Variants in GPHN observed in about 807,000 individuals in gnomAD.
The protein encoded by GPHN is gephyrin.
A neutral mutation model predicts 95.5 loss-of-function variants in GPHN; 17 were observed. That is an observed-to-expected ratio of 0.18 (90% CI 0.12 to 0.27). GPHN has a LOEUF of 0.27. GPHN is among the 10% of genes least tolerant of loss of function. The probability of loss-of-function intolerance (pLI) is 1.00; values close to 1 mark genes in which losing one functional copy is unlikely to be tolerated. For missense variants in GPHN, 660 were observed against 978.1 expected (o/e 0.67, Z 4.34); for synonymous variants, 320 against 322.5 (o/e 0.99, Z 0.08).
chr14:66,942,874 G>A (rs1360411750), intron 8 of GPHN, among the ~76,000 whole-genome samples: 1 of 152,026 alleles, frequency 6.6e-6, no homozygotes, highest in Non-Finnish European at 1.5e-5. Flanking sequence ...ATATATTAGA[G>A]GTTTAAAACA....
rs1227422822 is a variant in GPHN at position 67,181,412 on chromosome 14, G to A, written c.*475G>A. The A allele has an allele frequency of 4.0e-6, 2 of 499,186 alleles. No homozygotes were observed. The highest frequency in any genetic ancestry group is 7.7e-6 in the Non-Finnish European group (2 of 260,810). 30.9% of individuals were successfully genotyped at this position (499,186 alleles called of 1,614,324 possible). On this transcript the variant is annotated 3_prime_UTR_variant, in exon 23 of 23. Coordinates refer to ENST00000478722, the MANE Select transcript of GPHN (RefSeq NM_020806.5). ...TCTTTCTCATGTATCTCGTGTTTAT[G>A]TGCACAGTGCCAAAAGAAGACTGAC...
rs77939703 is a variant in GPHN, at chr14:66,710,972, A to G, written c.143+29787A>G. 7.3e-3 allele frequency among the ~76,000 whole-genome samples: 1,117 copies of G among 152,312 alleles called. 6 individuals carry two copies. The highest frequency in any genetic ancestry group is 0.026 in the African/African-American group (1,067 of 41,556). Reference sequence around the variant, plus strand: ...TACATACTCTAAGAAAGGTCCACATATACCTTACTAGAATAGTTATCAAAC... The same window carrying G: ...TACATACTCTAAGAAAGGTCCACATGTACCTTACTAGAATAGTTATCAAAC... On this transcript the variant is annotated intron_variant, in intron 2 of 22. Transcript: ENST00000478722.
At chr14:67,497,943 T>A in the GPHN span, among the ~76,000 whole-genome samples, 13 of 152,154 alleles carry the variant, frequency 8.5e-5, no homozygotes, top group African/African-American at 3.1e-4. Flanking sequence ...GAATACATAA[T>A]GATGTATTGC....
chr14:66,813,950 A>G (rs866348286), intron 3 of GPHN, among the ~76,000 whole-genome samples: 6 of 152,082 alleles, frequency 3.9e-5, no homozygotes, highest in Non-Finnish European at 8.8e-5. Flanking sequence ...AGGCATCCCT[A>G]TGGCCACGCA....
the GPHN span, chr14:67,691,988 A>G: frequency 6.4e-6 from 1 of 156,286 alleles, no homozygotes; most frequent in African/African-American, 2.4e-5. Context: ...AAGAGATGGT[A>G]AACTTCTTTG....
the GPHN span, among the ~76,000 whole-genome samples, chr14:67,500,600 C>G: frequency 7.1e-6 from 1 of 140,696 alleles, no homozygotes; most frequent in South Asian, 2.2e-4. Flanking sequence ...GAGATGGAGT[C>G]TCGCTCTGTC....
chr14:67,728,542 T>C, the GPHN span, among the ~76,000 whole-genome samples: 1 of 152,232 alleles, frequency 6.6e-6, no homozygotes, highest in Admixed American at 6.5e-5. Flanking sequence ...ACTTAAACTT[T>C]CTGTGACTTA....
chr14:66,951,995 T>C (rs2068139043), intron 8 of GPHN, among the ~76,000 whole-genome samples: 2 of 152,224 alleles, frequency 1.3e-5, no homozygotes, highest in Non-Finnish European at 2.9e-5. Context: ...TTATGCTGGA[T>C]TAAGAAAGGA....
intron 12 of GPHN, among the ~76,000 whole-genome samples, chr14:67,094,681 TA>T (rs1336907695): frequency 6.6e-6 from 1 of 152,170 alleles, no homozygotes; most frequent in Admixed American, 6.6e-5. Context: ...CTTTCATAGA[TA>T]TTTTTAAATA....
chr14:67,060,810 C>G (rs1487776494), intron 11 of GPHN, among the ~76,000 whole-genome samples: 1 of 152,098 alleles, frequency 6.6e-6, no homozygotes, highest in Non-Finnish European at 1.5e-5. Flanking sequence ...CTCATGCAGG[C>G]TAGTAGTTTC....
the GPHN span, chr14:67,337,528 AAAG>A: frequency 1.5e-4 from 23 of 152,174 alleles, 1 homozygote; most frequent in Admixed American, 8.5e-4. Flanking sequence ...AAAAAAAAAA[AAAG>A]AAAGAAAAAC....
chr14:66,773,116 T>C (rs1042952623), intron 2 of GPHN, among the ~76,000 whole-genome samples: 15 of 152,278 alleles, frequency 9.9e-5, no homozygotes, highest in South Asian at 2.1e-4. Flanking sequence ...CTGAGTGGCA[T>C]GTAAAGAGCA....
At chr14:67,273,572 G>A in the GPHN span, among the ~76,000 whole-genome samples, 17 of 152,206 alleles carry the variant, frequency 1.1e-4, no homozygotes, top group East Asian at 1.5e-3. Flanking sequence ...GAATAGTGCC[G>A]CAGTCAACAT....
chr14:66,874,085 G>C (rs1040694093), intron 4 of GPHN, among the ~76,000 whole-genome samples: 7 of 152,210 alleles, frequency 4.6e-5, no homozygotes, highest in Non-Finnish European at 7.3e-5. Context: ...CTGTTCTGCA[G>C]CCTTTGCTAG....
chr14:66,561,932 C>G (rs1295596653), intron 1 of GPHN, among the ~76,000 whole-genome samples: 1 of 149,312 alleles, frequency 6.7e-6, no homozygotes, highest in East Asian at 1.9e-4. Context: ...CATACCTTAG[C>G]TCATGGCCTC....
chr14:66,917,667 A>G (rs1233353066), intron 6 of GPHN, among the ~76,000 whole-genome samples: 2 of 152,146 alleles, frequency 1.3e-5, no homozygotes, highest in South Asian at 4.1e-4. Flanking sequence ...TGTATCCCTT[A>G]CCTTCATTTT....
At chr14:67,504,589 T>A in the GPHN span, among the ~76,000 whole-genome samples, 5 of 151,892 alleles carry the variant, frequency 3.3e-5, no homozygotes, top group African/African-American at 1.2e-4. Flanking sequence ...ATCAAAAAAA[T>A]AAATAAAAAA....
chr14:67,351,879 C>A, the GPHN span, among the ~76,000 whole-genome samples: 1 of 140,608 alleles, frequency 7.1e-6, no homozygotes, highest in African/African-American at 2.8e-5. Flanking sequence ...TAACATTTTA[C>A]ACATTAGGCA....
At chr14:67,458,816 G>A in the GPHN span, among the ~76,000 whole-genome samples, 15 of 152,162 alleles carry the variant, frequency 9.9e-5, no homozygotes, top group Non-Finnish European at 2.1e-4. Context: ...CGATCTCCTG[G>A]GCTCAAGCCT....
Sources: gnomAD v4.1 joint callset for allele counts (sites outside exome capture counted in the v4.1 genomes callset) on GRCh38, gnomAD v4.1.1 for gene constraint, MANE v1.5 for transcripts, NCBI Gene and HGNC (gene_info 2026-07-23, HGNC 2026-07-21) for gene names.